GET4: variants seen among roughly 807,000 people sequenced by gnomAD.
GET4 encodes guided entry of tail-anchored proteins factor 4, also known as Golgi to ER traffic protein 4 homolog.
GET4 carries 20 observed loss-of-function variants against 40.0 expected under a neutral mutation model. That is an observed-to-expected ratio of 0.50 (90% CI 0.35 to 0.73). The LOEUF (loss-of-function observed/expected upper bound fraction) is 0.73, where lower values mean the gene tolerates loss of function less well. GET4 is among the 30% of genes least tolerant of loss of function. The pLI, the probability that GET4 is intolerant of heterozygous loss-of-function variation, is 0.01. For missense variants in GET4, 557 were observed against 454.0 expected (o/e 1.23, Z -2.06); for synonymous variants, 280 against 194.6 (o/e 1.44, Z -3.65).
intron 1 of GET4, chr7:884,306 C>G (rs1844144495): frequency 7.7e-7 from 1 of 1,304,120 alleles, no homozygotes; most frequent in Non-Finnish European, 1.0e-6. Flanking sequence ...CCGGCCTCCT[C>G]TGAGTCAGTC....
chr7:895,539 G>C lies in GET4; in HGVS notation c.*117G>C. 2 of 548,184 alleles carry C rather than the reference G, an allele frequency of 3.6e-6. No homozygotes were observed. Among genetic ancestry groups the C allele is most frequent in the East Asian group, 3.2e-5 (1 of 31,324 alleles). 34.0% of individuals were successfully genotyped at this position (548,184 alleles called of 1,614,324 possible). A position where few individuals can be genotyped will look rare whatever the true frequency, so the allele number is the denominator to read the frequency against. The stretch of plus-strand genomic sequence containing the variant: ...CCTGGCCCTGAGGCTGGCGGTGGCC[G>C]CATGCCGGCGCGTGTCTGTTTCTGT... On this transcript the variant is annotated 3_prime_UTR_variant, in exon 9 of 9. Transcript: ENST00000265857.
At chr7:894,029 A>ATCTC in intron 8 of GET4, 58 bp downstream of exon 8, 1 of 1,183,104 alleles carries the variant, frequency 8.5e-7, no homozygotes, top group African/African-American at 1.5e-5. Flanking sequence ...TGGGGTCATC[A>ATCTC]TCTCTGCCCA....
At chr7:878,979 C>T (rs545862738) in intron 1 of GET4, among the ~76,000 whole-genome samples, 1 of 151,848 alleles carries the variant, frequency 6.6e-6, no homozygotes, top group Non-Finnish European at 1.5e-5. Context: ...CACAGACACC[C>T]CCCCCCGAGT....
chr7:886,171 T>C (rs1199470389), intron 2 of GET4, 37 bp downstream of exon 2: 4 of 1,371,740 alleles, frequency 2.9e-6, no homozygotes, highest in Non-Finnish European at 4.2e-6. Flanking sequence ...CCCTTTCTGC[T>C]CCGGGCAGGC....
chr7:892,791 A>G (rs1367780825), intron 6 of GET4, among the ~76,000 whole-genome samples: 1 of 147,168 alleles, frequency 6.8e-6, no homozygotes, highest in Non-Finnish European at 1.5e-5. Context: ...GTAGACGTGT[A>G]TACAGGTGTG....
chr7:892,343 C>T lies in GET4; in HGVS notation c.671C>T (p.Pro224Leu), dbSNP rs945854901. The change falls in exon 6 of 9, where the codon CCG becomes CTG. Residue 224 changes from proline (P) to leucine (L), a missense_variant. Physicochemically the swap from Pro to Leu is moderately conservative, Grantham distance 98. Transcript: ENST00000265857. ...VVFTTYTQKHPSIEDGPPFVE... is the reference protein window; with the variant it reads ...VVFTTYTQKHLSIEDGPPFVE... The stretch of plus-strand genomic sequence containing the variant: ...TTCACGACGTACACCCAGAAGCACC[C>T]GTCCATCGAGGACGGGCCTCCGTTT... The T allele has an allele frequency of 2.5e-6, 4 of 1,596,578 alleles. No individual in the cohort carries two copies. Among genetic ancestry groups the T allele is most frequent in the Non-Finnish European group, 3.4e-6 (4 of 1,165,238 alleles).
chr7:895,116 C>T (rs377421041), intron 8 of GET4, among the ~76,000 whole-genome samples: 22 of 152,020 alleles, frequency 1.4e-4, no homozygotes, highest in Non-Finnish European at 2.5e-4. Flanking sequence ...TGGAGTCCCC[C>T]GTGGCTGCTC....
Position 887,367 on chromosome 7 carries a change from C to T in GET4, c.317-3C>T, listed in dbSNP as rs1844212899. ...CTCTGATGAGGGTCTGTGCTGTTTG[C>T]AGAAAATCTGGCTAAAGTGTTCAGC... On this transcript the variant is annotated splice_polypyrimidine_tract_variant and splice_region_variant and intron_variant, in intron 3 of 8. Transcript: ENST00000265857. The T allele has an allele frequency of 9.5e-6, 15 of 1,576,962 alleles. No homozygotes were observed. The highest frequency in any genetic ancestry group is 1.4e-5 in the African/African-American group (1 of 74,030).
At position 886,759 on chromosome 7, in the gene GET4, G is replaced by T. The variant is rs1454574507; in HGVS notation, c.316+109G>T. ...TCTGCGTTTGGGGGTCTTGTGTGCT[G>T]TGGGGTGAACTCTGCTGCAGAGGCA... On this transcript the variant is annotated intron_variant, in intron 3 of 8. Transcript: ENST00000265857. 2.3e-5 allele frequency: 18 copies of T among 767,154 alleles called. No homozygotes were observed. The South Asian group carries it at 2.7e-4, about 11-fold the overall frequency. The allele number at this position is 767,154 out of a possible 1,614,324, so 47.5% of individuals were successfully genotyped here.
At chr7:886,816 C>CT (rs1256755169) in intron 3 of GET4, among the ~76,000 whole-genome samples, 166 bp downstream of exon 3, 1 of 152,258 alleles carries the variant, frequency 6.6e-6, no homozygotes, top group Non-Finnish European at 1.5e-5. Flanking sequence ...GCCAGGCCCC[C>CT]TGGCTGACCC....
In GET4 at chr7:886,049, G is replaced by C. The variant is rs202165203; in HGVS notation, c.156-7G>C. On this transcript the variant is annotated splice_polypyrimidine_tract_variant and splice_region_variant and intron_variant, in intron 1 of 8. Transcript: ENST00000265857. Reference sequence around the variant, plus strand: ...GGGCGTGGCTCACGGTCTCCTCTCTGTGGCAGGTACATGTCCCAGAGCAAG... The same window carrying C: ...GGGCGTGGCTCACGGTCTCCTCTCTCTGGCAGGTACATGTCCCAGAGCAAG... 1.4e-4 allele frequency: 218 copies of C among 1,580,290 alleles called. No homozygotes were observed. In the African/African-American group the frequency reaches 2.7e-3, roughly 20 times the overall value.
chr7:876,786 G>T lies in GET4; in HGVS notation c.141G>T (p.Arg47=), dbSNP rs765677102. The T allele has an allele frequency of 1.6e-5, 20 of 1,263,416 alleles. No homozygotes were observed. Among genetic ancestry groups the T allele is most frequent in the Non-Finnish European group, 1.7e-5 (17 of 989,632 alleles). 78.3% of individuals were successfully genotyped at this position (1,263,416 alleles called of 1,614,324 possible). The change falls in exon 1 of 9, where the codon CGG becomes CGT. Residue 47 remains arginine, a synonymous_variant. Transcript: ENST00000265857. ...GDYYEAHQMY[R]TLFFRYMSQS... The stretch of plus-strand genomic sequence containing the variant: ...ACTACGAGGCGCACCAGATGTACCG[G>T]ACCCTGTTCTTCAGGTACCCGCGCC...
chr7:895,366 G>C lies in GET4; in HGVS notation c.928G>C (p.Glu310Gln). The change falls in exon 9 of 9, where the codon GAG (glutamate) becomes CAG (glutamine). Residue 310 changes from glutamate (E) to glutamine (Q), a missense_variant. Glu to Gln is a conservative substitution (Grantham distance 29, BLOSUM62 2). Coordinates refer to ENST00000265857, the MANE Select transcript of GET4 (RefSeq NM_015949.3). ...NLLTSLMGSSEQEDGEESPSD... is the reference protein window; with the variant it reads ...NLLTSLMGSSQQEDGEESPSD... ...TCTGACCAGCCTCATGGGCTCCTCAGAGCAGGAGGATGGGGAGGAGAGCCC... is the reference window on the plus strand; with the variant it reads ...TCTGACCAGCCTCATGGGCTCCTCACAGCAGGAGGATGGGGAGGAGAGCCC... 1 of 1,598,992 alleles carries C rather than the reference G, an allele frequency of 6.3e-7. No homozygotes were observed. Among genetic ancestry groups the C allele is most frequent in the African/African-American group, 1.3e-5 (1 of 74,674 alleles).
chr7:895,311 TG>T, intron 8 of GET4, 22 bp from the exon 9 acceptor site: 1 of 1,312,094 alleles, frequency 7.6e-7, no homozygotes, highest in Non-Finnish European at 1.1e-6. Context: ...CAGGCGTGAC[TG>T]CCACGGTGTT....
At chr7:889,241 T>C (rs1844259341) in intron 4 of GET4, among the ~76,000 whole-genome samples, 1 of 152,204 alleles carries the variant, frequency 6.6e-6, no homozygotes, top group Admixed American at 6.5e-5. Flanking sequence ...CCCGACACCG[T>C]GACGGTGCTG....
At chr7:894,440 C>T (rs376666174) in intron 8 of GET4, among the ~76,000 whole-genome samples, 78 of 152,296 alleles carry the variant, frequency 5.1e-4, no homozygotes, top group African/African-American at 1.6e-3. Context: ...GCCTTCCCAG[C>T]GTCACCTGTC....
At chr7:883,297 G>A (rs996159986) in intron 1 of GET4, 1 of 154,178 alleles carries the variant, frequency 6.5e-6, no homozygotes. Flanking sequence ...ACCTGTGTGT[G>A]TCTTGAGTAT....
chr7:879,089 C>T (rs967551868), intron 1 of GET4, among the ~76,000 whole-genome samples: 19 of 152,230 alleles, frequency 1.2e-4, no homozygotes, highest in Non-Finnish European at 2.8e-4. Context: ...GCTCCACTCC[C>T]TGAAGACCCT....
chr7:886,019 C>T (rs1554267619), intron 1 of GET4, 37 bp from the exon 2 acceptor site: 2 of 1,251,460 alleles, frequency 1.6e-6, no homozygotes, highest in Non-Finnish European at 1.2e-6. Context: ...GTGGCGAGGG[C>T]ACGTGGGCGT....
Sources: allele counts gnomAD v4.1 joint callset (sites outside exome capture counted in the v4.1 genomes callset), GRCh38; gene constraint gnomAD v4.1.1; transcripts MANE v1.5; gene names NCBI Gene and HGNC (gene_info 2026-07-23, HGNC 2026-07-21).